The following ARFGEF3 variants were observed in gnomAD, a reference collection of about 807,000 sequenced individuals.
The protein encoded by ARFGEF3 is ARFGEF family member 3, also known as brefeldin A-inhibited guanine nucleotide-exchange protein 3.
In ARFGEF3, 96 loss-of-function variants were observed where a neutral mutation model predicts 221.7. The ratio of observed to expected loss-of-function variants is 0.43; its 90% confidence interval spans 0.37 to 0.51. ARFGEF3 has a LOEUF of 0.51. ARFGEF3 is among the 20% of genes least tolerant of loss of function. The pLI is 0.00. For missense variants in ARFGEF3, 2,410 were observed against 2,789.9 expected (o/e 0.86, Z 3.07); for synonymous variants, 1,145 against 1,126.8 (o/e 1.02, Z -0.32).
At chr6:138,205,218 G>C (rs1777605996) in intron 2 of ARFGEF3, among the ~76,000 whole-genome samples, 1 of 152,164 alleles carries the variant, frequency 6.6e-6, no homozygotes, top group South Asian at 2.1e-4. Flanking sequence ...GGTGAGTAAT[G>C]TGTAAATATT....
chr6:138,308,609 A>T, intron 23 of ARFGEF3, 130 bp from the exon 24 acceptor site: 2 of 1,005,712 alleles, frequency 2.0e-6, no homozygotes, highest in Non-Finnish European at 3.0e-6. Flanking sequence ...CCAATAAAAA[A>T]CCCAGGCATC....
At position 138,287,197 on chromosome 6, in the gene ARFGEF3, G is replaced by A; in HGVS notation, c.2896+13G>A. The stretch of plus-strand genomic sequence containing the variant: ...GCCATCACACAAGGTAACAACTGGA[G>A]GGCCAGAACCCACCTGGTGCCTTGG... On this transcript the variant is annotated intron_variant, in intron 17 of 33. Coordinates refer to ENST00000251691, the MANE Select transcript of ARFGEF3 (RefSeq NM_020340.5). 1 of 1,551,156 alleles carries A rather than the reference G, an allele frequency of 6.4e-7. No homozygotes were observed. Among genetic ancestry groups the A allele is most frequent in the Non-Finnish European group, 8.7e-7 (1 of 1,145,470 alleles).
Position 138,291,986 on chromosome 6 carries a change from G to GGCGGGAGCCTCATGA in ARFGEF3, c.3310_3324dup (p.Leu1104_Ser1108dup). On this transcript the variant is annotated inframe_insertion, in exon 19 of 34. Transcript: ENST00000251691. This position sits in a 1 kb window ranked among gnomAD's most constrained non-coding sequence, Gnocchi z 4.5. ...CCGGGGTCGGGCCTCCGACTTCCGC[G>GGCGGGAGCCTCATGA]GCGGGAGCCTCATGAGCGGGAGCAG... The GGCGGGAGCCTCATGA allele has an allele frequency of 1.3e-6, 2 of 1,537,892 alleles. No homozygotes were observed. Among genetic ancestry groups the GGCGGGAGCCTCATGA allele is most frequent in the Non-Finnish European group, 1.7e-6 (2 of 1,146,222 alleles).
intron 2 of ARFGEF3, among the ~76,000 whole-genome samples, chr6:138,173,987 A>G (rs1195467168): frequency 2.6e-5 from 4 of 152,222 alleles, no homozygotes; most frequent in Admixed American, 2.6e-4. Context: ...AATGAGATCT[A>G]TCAAGCATTC....
At chr6:138,278,651 G>A (rs1779142881) in intron 13 of ARFGEF3, 34 bp downstream of exon 13, 11 of 1,609,062 alleles carry the variant, frequency 6.8e-6, no homozygotes, top group Non-Finnish European at 9.3e-6. Context: ...ACTGGCAGAG[G>A]GCAGGCTGTA....
chr6:138,285,367 C>T (rs1327720224), intron 14 of ARFGEF3, among the ~76,000 whole-genome samples: 9 of 150,652 alleles, frequency 6.0e-5, no homozygotes, highest in Non-Finnish European at 1.0e-4. Context: ...AGGAGAATGG[C>T]GTGAACCCAG....
chr6:138,301,152 A>G (rs76213242), intron 22 of ARFGEF3, among the ~76,000 whole-genome samples: 100 of 152,348 alleles, frequency 6.6e-4, no homozygotes, highest in African/African-American at 2.2e-3. Flanking sequence ...TGGCTATGGT[A>G]ACATGAAGAA....
chr6:138,242,006 ATGT>A (rs529265103), intron 6 of ARFGEF3, among the ~76,000 whole-genome samples: 70 of 152,338 alleles, frequency 4.6e-4, no homozygotes, highest in African/African-American at 1.4e-3. Context: ...TTCCTCCGGA[ATGT>A]TGTTCTCAAC....
chr6:138,204,499 A>G lies in ARFGEF3; in HGVS notation c.138-2543A>G, dbSNP rs968310993. Among the ~76,000 whole-genome samples the G allele has an allele frequency of 3.3e-5, 5 of 152,290 alleles. No individual in the cohort carries two copies. In the South Asian group the frequency reaches 1.0e-3, roughly 32 times the overall value. The stretch of plus-strand genomic sequence containing the variant: ...TTGTTGTAAATAAAGTTTTATTAGA[A>G]CATAGTCACATTCATTGATTTACTA... On this transcript the variant is annotated intron_variant, in intron 2 of 33. Transcript: ENST00000251691.
At chr6:138,321,995 C>T (rs932486463) in intron 29 of ARFGEF3, among the ~76,000 whole-genome samples, 5 of 152,170 alleles carry the variant, frequency 3.3e-5, no homozygotes, top group African/African-American at 4.8e-5. Flanking sequence ...AGAGAGCTTG[C>T]TCAGGGCCAC....
At chr6:138,198,532 C>G (rs1007837689) in intron 2 of ARFGEF3, among the ~76,000 whole-genome samples, 3 of 152,180 alleles carry the variant, frequency 2.0e-5, no homozygotes, top group African/African-American at 7.2e-5. Flanking sequence ...TTGGTGTAAA[C>G]TGTTTAAATG....
chr6:138,241,961 G>A (rs986258291), intron 6 of ARFGEF3, among the ~76,000 whole-genome samples: 2 of 152,192 alleles, frequency 1.3e-5, no homozygotes, highest in African/African-American at 4.8e-5. Flanking sequence ...AAAGGTTGAA[G>A]GATTCTCCTA....
chr6:138,242,911 G>C, intron 6 of ARFGEF3, 41 bp from the exon 7 acceptor site: 1 of 1,558,320 alleles, frequency 6.4e-7, no homozygotes, highest in Non-Finnish European at 8.8e-7. Context: ...GATTTTTCTT[G>C]CCTGAATCTC....
chr6:138,330,292 G>C (rs574226721), intron 32 of ARFGEF3, among the ~76,000 whole-genome samples: 1 of 152,116 alleles, frequency 6.6e-6, no homozygotes, highest in African/African-American at 2.4e-5. Context: ...TTAAGAGACA[G>C]CTCCCTTGCC....
chr6:138,220,021 T>C (rs1347818699), intron 4 of ARFGEF3, among the ~76,000 whole-genome samples: 5 of 152,190 alleles, frequency 3.3e-5, no homozygotes, highest in Non-Finnish European at 5.9e-5. Context: ...TTCCTTTTCC[T>C]TTCTTTTTTT....
Position 138,334,632 on chromosome 6 carries a change from C to T in ARFGEF3, c.5786C>T (p.Pro1929Leu). 6.2e-7 allele frequency: 1 copy of T among 1,613,572 alleles called. No individual in the cohort carries two copies. Among genetic ancestry groups the T allele is most frequent in the Non-Finnish European group, 8.5e-7 (1 of 1,179,864 alleles). The change falls in exon 33 of 34, where the codon CCT becomes CTT. Residue 1929 changes from proline (P) to leucine (L), a missense_variant. Physicochemically the swap from Pro to Leu is moderately conservative, Grantham distance 98 (BLOSUM62 -3). Transcript: ENST00000251691. The surrounding 1 kb of genome is among the most constrained non-coding windows in gnomAD (Gnocchi z 5.1). Reference protein sequence around the residue: ...HLDLENCMEEPPIFKGDPFFI... With the variant: ...HLDLENCMEELPIFKGDPFFI... ...GACCTGGAGAACTGTATGGAGGAGC[C>T]TCCCATCTTCAAGGGCGACCCGTTC...
chr6:138,267,065 C>T (rs1209046808), intron 12 of ARFGEF3, among the ~76,000 whole-genome samples: 1 of 152,076 alleles, frequency 6.6e-6, no homozygotes, highest in East Asian at 1.9e-4. Context: ...CATTGTTAGT[C>T]CCCAGAATAG....
intron 4 of ARFGEF3, among the ~76,000 whole-genome samples, chr6:138,225,909 C>G (rs1410828422): frequency 6.6e-6 from 1 of 152,154 alleles, no homozygotes; most frequent in Non-Finnish European, 1.5e-5. Flanking sequence ...CTCATCTGCA[C>G]TATTTCTTTA....
chr6:138,258,076 G>C (rs779907594), intron 10 of ARFGEF3, among the ~76,000 whole-genome samples: 34 of 152,026 alleles, frequency 2.2e-4, no homozygotes, highest in Non-Finnish European at 4.0e-4. Flanking sequence ...TTTTCCCATT[G>C]CCCAGGGCTC....
Sources: gnomAD v4.1 joint callset for allele counts (sites outside exome capture counted in the v4.1 genomes callset) on GRCh38, gnomAD v4.1.1 for gene constraint, Gnocchi (gnomAD v3.1) non-coding constraint, MANE v1.5 for transcripts, NCBI Gene and HGNC (gene_info 2026-07-23, HGNC 2026-07-21) for gene names.